THSD7B: variants seen among roughly 807,000 people sequenced by gnomAD.
THSD7B encodes thrombospondin type 1 domain containing 7B.
A neutral mutation model predicts 213.6 loss-of-function variants in THSD7B; 138 were observed. The ratio of observed to expected loss-of-function variants is 0.65; its 90% CI spans 0.56 to 0.74. The LOEUF (loss-of-function observed/expected upper bound fraction) is 0.74. Among genes scored for constraint, THSD7B ranks in the 30% least tolerant of loss-of-function variants. THSD7B has a pLI of 0.00. For synonymous variants in THSD7B, 742 were observed against 687.0 expected, an observed-to-expected ratio of 1.08 and a Z score of -1.25; for missense variants, 1,931 against 1,991.5, an observed-to-expected ratio of 0.97 and a Z score of 0.58.
intron 17 of THSD7B, among the ~76,000 whole-genome samples, chr2:137,587,892 G>A (rs1411580490): frequency 6.6e-6 from 1 of 152,214 alleles, no homozygotes; most frequent in African/African-American, 2.4e-5. Flanking sequence ...AGTCTGCAGA[G>A]GTTTCTGCTG....
intron 2 of THSD7B, among the ~76,000 whole-genome samples, chr2:137,015,690 A>G (rs1366426490): frequency 6.6e-6 from 1 of 152,182 alleles, no homozygotes; most frequent in Non-Finnish European, 1.5e-5. Context: ...TTTGGAACCA[A>G]AACACTCTCC....
chr2:137,020,811 C>T (rs1455939483), intron 2 of THSD7B, among the ~76,000 whole-genome samples: 2 of 152,174 alleles, frequency 1.3e-5, no homozygotes, highest in African/African-American at 4.8e-5. Context: ...TGGGGGCCAC[C>T]ACTGCTCATT....
At chr2:137,667,477 A>G (rs1020586364) in intron 26 of THSD7B, among the ~76,000 whole-genome samples, 1 of 152,248 alleles carries the variant, frequency 6.6e-6, no homozygotes, top group African/African-American at 2.4e-5. Flanking sequence ...TTCATTAAAA[A>G]TGGTACCATG....
At chr2:137,347,959 G>A (rs1286494619) in intron 12 of THSD7B, among the ~76,000 whole-genome samples, 7 of 150,326 alleles carry the variant, frequency 4.7e-5, no homozygotes, top group African/African-American at 1.7e-4. Context: ...TTTAATTTGG[G>A]CCTCATTTTC....
chr2:137,190,953 G>A lies in THSD7B; in HGVS notation c.1723+20015G>A, dbSNP rs16838351. Among the ~76,000 whole-genome samples the A allele has an allele frequency of 6.0e-3, 920 of 152,248 alleles. 10 individuals carry two copies. Among genetic ancestry groups the A allele is most frequent in the African/African-American group, 0.021 (879 of 41,548 alleles). ...CCTTGGGGCAGACCATTTATCACAG[G>A]TCTAAGCCAGGACTGAGAGACGCTG... On this transcript the variant is annotated intron_variant, in intron 7 of 27. Transcript: ENST00000409968.
At chr2:137,551,660 T>G (rs949601362) in intron 15 of THSD7B, among the ~76,000 whole-genome samples, 1 of 152,230 alleles carries the variant, frequency 6.6e-6, no homozygotes, top group African/African-American at 2.4e-5. Flanking sequence ...AAAGCTTATT[T>G]AGTATTATTA....
intron 1 of THSD7B, among the ~76,000 whole-genome samples, chr2:136,869,096 TG>T (rs1319571962): frequency 1.3e-5 from 2 of 152,206 alleles, no homozygotes; most frequent in African/African-American, 4.8e-5. Context: ...TTTTATAATT[TG>T]TAAAAAAAGT....
chr2:136,872,761 G>A (rs1342931058), intron 1 of THSD7B, among the ~76,000 whole-genome samples: 2 of 143,580 alleles, frequency 1.4e-5, no homozygotes, highest in Non-Finnish European at 3.0e-5. Flanking sequence ...ATGAGGTCAG[G>A]GGTTCAAGAT....
At chr2:137,328,382 T>C (rs1030077686) in intron 12 of THSD7B, among the ~76,000 whole-genome samples, 28 of 152,344 alleles carry the variant, frequency 1.8e-4, no homozygotes, top group African/African-American at 5.8e-4. Context: ...TTGAATTTCA[T>C]AGAGAACACT....
chr2:137,320,317 C>T (rs1199167483), intron 12 of THSD7B, among the ~76,000 whole-genome samples: 1 of 152,084 alleles, frequency 6.6e-6, no homozygotes, highest in East Asian at 1.9e-4. Context: ...TTACACAGCA[C>T]AGTATTGTTA....
At chr2:136,959,855 G>A (rs1485228097) in intron 2 of THSD7B, among the ~76,000 whole-genome samples, 2 of 152,198 alleles carry the variant, frequency 1.3e-5, no homozygotes, top group African/African-American at 4.8e-5. Context: ...AAAAACTCTG[G>A]AGGGGGATTT....
In THSD7B at chr2:137,553,102, G is replaced by A. The variant is rs1457768996; in HGVS notation, c.3139-10119G>A. Among the ~76,000 whole-genome samples, 4 of 152,056 alleles carry A rather than the reference G, an allele frequency of 2.6e-5. No individual in the cohort carries two copies. In the East Asian group the frequency reaches 7.7e-4, roughly 29 times the overall value. Reference sequence around the variant, plus strand: ...TTTCCCCTAACATTCCAATGAAATCGACATTGAATATGACTTGCCAGGATC... The same window carrying A: ...TTTCCCCTAACATTCCAATGAAATCAACATTGAATATGACTTGCCAGGATC... On this transcript the variant is annotated intron_variant, in intron 15 of 27. Coordinates refer to ENST00000409968, the MANE Select transcript of THSD7B (RefSeq NM_001316349.2).
chr2:137,458,263 A>G (rs1687810352), intron 15 of THSD7B, among the ~76,000 whole-genome samples: 1 of 152,188 alleles, frequency 6.6e-6, no homozygotes, highest in Non-Finnish European at 1.5e-5. Flanking sequence ...AGTGGATGTG[A>G]TCATTCTTTG....
At chr2:137,534,996 A>G (rs1318281984) in intron 15 of THSD7B, among the ~76,000 whole-genome samples, 1 of 130,228 alleles carries the variant, frequency 7.7e-6, no homozygotes, top group Non-Finnish European at 1.7e-5. Flanking sequence ...AAAAATCCCT[A>G]TTTTTCTCCA....
intron 24 of THSD7B, among the ~76,000 whole-genome samples, chr2:137,658,620 C>T (rs1373937734): frequency 6.6e-6 from 1 of 152,188 alleles, no homozygotes; most frequent in African/African-American, 2.4e-5. Context: ...AGAAATAGGA[C>T]TGTGTGGTTA....
At chr2:137,022,224 T>C (rs939467671) in intron 2 of THSD7B, among the ~76,000 whole-genome samples, 2 of 152,188 alleles carry the variant, frequency 1.3e-5, no homozygotes, top group African/African-American at 4.8e-5. Flanking sequence ...AATTAGTGCA[T>C]TGTATGATAG....
At chr2:136,896,603 T>C (rs1172790426) in intron 2 of THSD7B, among the ~76,000 whole-genome samples, 1 of 152,152 alleles carries the variant, frequency 6.6e-6, no homozygotes, top group Non-Finnish European at 1.5e-5. Context: ...TGGTCTTTTA[T>C]CTAAGAAATC....
chr2:137,362,911 A>C (rs1044461148), intron 12 of THSD7B, among the ~76,000 whole-genome samples: 5 of 152,174 alleles, frequency 3.3e-5, no homozygotes, highest in African/African-American at 9.6e-5. Context: ...AGAACTCTCC[A>C]CCTCAAATCA....
rs557699223 is a variant in THSD7B, at chr2:137,367,794, G to A, written c.2501-37819G>A. Among the ~76,000 whole-genome samples, 20 of 152,208 alleles carry A rather than the reference G, an allele frequency of 1.3e-4. No homozygotes were observed. In the South Asian group the frequency reaches 2.9e-3, roughly 22 times the overall value. The stretch of plus-strand genomic sequence containing the variant: ...TATGTGGCCTTTCCTCAGTGTGTGC[G>A]TTCAGAAAGAGTGAGCATGAGAGAA... On this transcript the variant is annotated intron_variant, in intron 12 of 27. Transcript: ENST00000409968.
Sources: allele counts gnomAD v4.1 joint callset (sites outside exome capture counted in the v4.1 genomes callset), GRCh38; gene constraint gnomAD v4.1.1; transcripts MANE v1.5; gene names NCBI Gene and HGNC (gene_info 2026-07-23, HGNC 2026-07-21).